The following CNTNAP5 variants were observed in gnomAD, a reference collection of about 807,000 sequenced individuals.
CNTNAP5 encodes the protein contactin-associated protein-like 5.
CNTNAP5 carries 72 observed loss-of-function variants against 150.2 expected under a neutral mutation model. That is an observed-to-expected ratio of 0.48 (90% CI 0.40 to 0.58). CNTNAP5 has a LOEUF of 0.58. Among genes scored for constraint, CNTNAP5 ranks in the 20% least tolerant of loss-of-function variants. The pLI, the probability that CNTNAP5 is intolerant of heterozygous loss-of-function variation, is 0.00. For synonymous variants in CNTNAP5, 672 were observed against 619.8 expected, an observed-to-expected ratio of 1.08 and a Z score of -1.25; for missense variants, 1,636 against 1,626.2, an observed-to-expected ratio of 1.01 and a Z score of -0.10.
intron 19 of CNTNAP5, among the ~76,000 whole-genome samples, chr2:124,862,568 A>G (rs1252989638): frequency 1.3e-5 from 2 of 152,218 alleles, no homozygotes; most frequent in Non-Finnish European, 2.9e-5. Context: ...AGGATTCTCC[A>G]GAGACAAATA....
chr2:124,653,497 A>G (rs1309586065), intron 13 of CNTNAP5, among the ~76,000 whole-genome samples: 2 of 151,906 alleles, frequency 1.3e-5, no homozygotes, highest in African/African-American at 4.8e-5. Flanking sequence ...ATATTTGTCC[A>G]TAATGCTATA....
intron 12 of CNTNAP5, among the ~76,000 whole-genome samples, chr2:124,614,980 T>C (rs1284469297): frequency 1.8e-4 from 1 of 5,510 alleles, no homozygotes; most frequent in African/African-American, 2.1e-4. Flanking sequence ...AATAGCATTA[T>C]ATCAAAAAAA....
intron 8 of CNTNAP5, among the ~76,000 whole-genome samples, 155 bp downstream of exon 8, chr2:124,504,711 T>A (rs1694361812): frequency 1.4e-5 from 2 of 148,034 alleles, no homozygotes; most frequent in Non-Finnish European, 3.0e-5. Flanking sequence ...GCATTTTTTT[T>A]TTTTTTTTTT....
intron 3 of CNTNAP5, among the ~76,000 whole-genome samples, chr2:124,358,709 T>C (rs1407735960): frequency 6.6e-6 from 1 of 152,240 alleles, no homozygotes; most frequent in Admixed American, 6.5e-5. Context: ...ATTTTCCCAG[T>C]ATTTTATTGA....
In CNTNAP5 at chr2:124,027,738, C is replaced by A. The variant is rs1354039109; in HGVS notation, c.82+2006C>A. Among the ~76,000 whole-genome samples, 5 of 152,126 alleles carry A rather than the reference C, an allele frequency of 3.3e-5. No homozygotes were observed. The East Asian group carries it at 9.6e-4, about 29-fold the overall frequency. On this transcript the variant is annotated intron_variant, in intron 1 of 23. Coordinates refer to ENST00000682447, the MANE Select transcript of CNTNAP5 (RefSeq NM_001367498.1). ...ACAGTTTAATTTCCCTATTTCCAAT[C>A]AACATTTTAATTGAATGCTCACTGC...
chr2:124,800,113 T>C (rs751304430), intron 19 of CNTNAP5, among the ~76,000 whole-genome samples: 1 of 152,178 alleles, frequency 6.6e-6, no homozygotes, highest in Non-Finnish European at 1.5e-5. Context: ...CGAGGTAATC[T>C]ATGGCACAGT....
intron 22 of CNTNAP5, among the ~76,000 whole-genome samples, chr2:124,905,786 G>A (rs184438606): frequency 6.6e-6 from 1 of 152,162 alleles, no homozygotes; most frequent in African/African-American, 2.4e-5. Context: ...GGTGAACCAG[G>A]TAGGCAAGCT....
rs776832997 is a variant in CNTNAP5, at chr2:124,474,755, T to C, written c.935T>C (p.Ile312Thr). Residue 312 changes from isoleucine to threonine, a missense_variant, in exon 7 of 24, where the codon ATT (isoleucine) becomes ACT (threonine). Ile to Thr is a moderately conservative substitution (Grantham distance 89). Coordinates refer to ENST00000682447, the MANE Select transcript of CNTNAP5 (RefSeq NM_001367498.1). ...DIDYELSFGG[I>T]PVPGKPGTFL... ...CCCCAAAAGCTTAGTTTTGGAGGAATTCCAGTACCAGGAAAACCTGGGACC... is the reference window on the plus strand; with the variant it reads ...CCCCAAAAGCTTAGTTTTGGAGGAACTCCAGTACCAGGAAAACCTGGGACC... 3 of 1,583,256 alleles carry C rather than the reference T, an allele frequency of 1.9e-6. No individual in the cohort carries two copies. The highest frequency in any genetic ancestry group is 2.6e-6 in the Non-Finnish European group (3 of 1,167,484).
chr2:124,736,340 C>T (rs1035749270), intron 13 of CNTNAP5, among the ~76,000 whole-genome samples: 47 of 152,150 alleles, frequency 3.1e-4, no homozygotes, highest in African/African-American at 1.1e-3. Context: ...CCACATATTG[C>T]TTAATATTGT....
intron 1 of CNTNAP5, among the ~76,000 whole-genome samples, chr2:124,097,969 C>A (rs187132279): frequency 2.0e-5 from 3 of 152,004 alleles, no homozygotes; most frequent in Non-Finnish European, 2.9e-5. Flanking sequence ...CGGAGCTTGC[C>A]GTGGGCCGAG....
chr2:124,444,334 C>T (rs1254777531), intron 5 of CNTNAP5, among the ~76,000 whole-genome samples: 1 of 152,182 alleles, frequency 6.6e-6, no homozygotes, highest in African/African-American at 2.4e-5. Flanking sequence ...GTGGCTCACA[C>T]CTGTAATCCC....
chr2:124,429,484 G>A (rs1692318652), intron 4 of CNTNAP5, among the ~76,000 whole-genome samples: 1 of 152,164 alleles, frequency 6.6e-6, no homozygotes, highest in Non-Finnish European at 1.5e-5. Flanking sequence ...GTATTCAGTT[G>A]GGGAAACCTT....
chr2:124,122,250 A>G (rs997810920), intron 1 of CNTNAP5, among the ~76,000 whole-genome samples: 8 of 152,214 alleles, frequency 5.3e-5, no homozygotes, highest in Admixed American at 1.3e-4. Flanking sequence ...AACATGATTG[A>G]TAACCTTAAG....
At chr2:124,049,876 GT>G (rs1261618269) in intron 1 of CNTNAP5, among the ~76,000 whole-genome samples, 1 of 152,114 alleles carries the variant, frequency 6.6e-6, no homozygotes, top group African/African-American at 2.4e-5. Flanking sequence ...TTGCTTCTTG[GT>G]TTATAGATAG....
intron 14 of CNTNAP5, among the ~76,000 whole-genome samples, chr2:124,760,397 C>T (rs1680932322): frequency 6.6e-6 from 1 of 151,958 alleles, no homozygotes; most frequent in Non-Finnish European, 1.5e-5. Context: ...CAGCAGTTAA[C>T]CAAAATTCGT....
At chr2:124,133,805 T>C (rs1459548389) in intron 1 of CNTNAP5, among the ~76,000 whole-genome samples, 1 of 152,230 alleles carries the variant, frequency 6.6e-6, no homozygotes, top group Non-Finnish European at 1.5e-5. Flanking sequence ...ACCTTGGTCA[T>C]ATTTGTGTGT....
At chr2:124,848,574 A>G (rs1172175921) in intron 19 of CNTNAP5, among the ~76,000 whole-genome samples, 2 of 152,156 alleles carry the variant, frequency 1.3e-5, no homozygotes, top group Non-Finnish European at 2.9e-5. Flanking sequence ...AAGAGTCTTC[A>G]AACTGTTTTC....
chr2:124,660,707 C>T (rs536079908), intron 13 of CNTNAP5, among the ~76,000 whole-genome samples: 25 of 151,920 alleles, frequency 1.6e-4, no homozygotes, highest in African/African-American at 6.0e-4. Flanking sequence ...CTGTAGGCAA[C>T]TATAATACAA....
At chr2:124,398,479 A>ATTTTATTTATTT (rs751659845) in intron 3 of CNTNAP5, among the ~76,000 whole-genome samples, 1 of 78,232 alleles carries the variant, frequency 1.3e-5, no homozygotes, top group Admixed American at 1.5e-4. Context: ...AGAAATTTTT[A>ATTTTATTTATTT]CTTTATTTAT....
Sources: allele counts gnomAD v4.1 joint callset (sites outside exome capture counted in the v4.1 genomes callset), GRCh38; gene constraint gnomAD v4.1.1; transcripts MANE v1.5; gene names NCBI Gene and HGNC (gene_info 2026-07-23, HGNC 2026-07-21).